GDPD4: variants seen among roughly 807,000 people sequenced by gnomAD.
The protein encoded by GDPD4 is glycerophosphodiester phosphodiesterase domain containing 4.
GDPD4 carries 60 observed loss-of-function variants against 67.8 expected under a neutral mutation model. The observed-to-expected ratio is 0.88, with a 90% CI of 0.72 to 1.10. The LOEUF is 1.10. Among genes scored for constraint, GDPD4 ranks in the 50% least tolerant of loss-of-function variants. The pLI is 0.00. For synonymous variants in GDPD4, 212 were observed against 210.9 expected (o/e 1.00, Z -0.04); for missense variants, 623 against 613.9 (o/e 1.01, Z -0.16).
intron 13 of GDPD4, 141 bp from the exon 14 acceptor site, chr11:77,233,313 T>C (rs1301828050): frequency 5.7e-6 from 4 of 701,718 alleles, no homozygotes; most frequent in East Asian, 5.3e-5. Context: ...CATGATACGA[T>C]GTGACAGAAT....
At chr11:77,278,351 G>A (rs939354661) in intron 4 of GDPD4, among the ~76,000 whole-genome samples, 1 of 152,084 alleles carries the variant, frequency 6.6e-6, no homozygotes, top group Non-Finnish European at 1.5e-5. Context: ...TAGTCATGAA[G>A]CTCCCTCAGT....
At position 77,278,321 on chromosome 11, in the gene GDPD4, C is replaced by G. The variant is rs1047792535; in HGVS notation, c.147+985G>C. The stretch of plus-strand genomic sequence containing the variant: ...GACCGTTCCCTCTCAGCAAGACAGC[C>G]TATATTTTTCTGTCTTGCTTAGTCA... On this transcript the variant is annotated intron_variant, in intron 4 of 16. Transcript: ENST00000315938. 3.0e-4 allele frequency among the ~76,000 whole-genome samples: 45 copies of G among 152,142 alleles called. 2 individuals carry two copies. The highest frequency in any genetic ancestry group is 3.2e-3 in the Middle Eastern group (1 of 316).
intron 1 of GDPD4, among the ~76,000 whole-genome samples, chr11:77,294,699 G>GA (rs954477493): frequency 2.0e-5 from 3 of 151,414 alleles, no homozygotes; most frequent in East Asian, 1.9e-4. Flanking sequence ...AAACAATTTT[G>GA]AAAAAAAATG....
At chr11:77,255,420 T>C (rs533350197) in intron 11 of GDPD4, among the ~76,000 whole-genome samples, 1 of 151,950 alleles carries the variant, frequency 6.6e-6, no homozygotes, top group Admixed American at 6.6e-5. Context: ...AAAAATTAGC[T>C]GGTCATGGTG....
At chr11:77,269,536 C>T (rs1465475780) in intron 8 of GDPD4, among the ~76,000 whole-genome samples, 1 of 152,154 alleles carries the variant, frequency 6.6e-6, no homozygotes, top group Non-Finnish European at 1.5e-5. Context: ...TCTGCCACTT[C>T]CTAATTGTGT....
At chr11:77,255,816 G>A (rs932238361) in intron 11 of GDPD4, among the ~76,000 whole-genome samples, 2 of 151,672 alleles carry the variant, frequency 1.3e-5, no homozygotes, top group African/African-American at 2.4e-5. Flanking sequence ...GCAGTGAGCC[G>A]AGATCACACC....
intron 13 of GDPD4, among the ~76,000 whole-genome samples, chr11:77,239,717 T>C (rs929814236): frequency 2.0e-5 from 3 of 151,960 alleles, no homozygotes; most frequent in South Asian, 2.1e-4. Context: ...TCCCAGCACT[T>C]TGGGGGGCTG....
chr11:77,286,079 T>C (rs905198782), intron 2 of GDPD4, among the ~76,000 whole-genome samples: 7 of 152,186 alleles, frequency 4.6e-5, no homozygotes, highest in African/African-American at 7.2e-5. Flanking sequence ...CCCATCTCCC[T>C]CTCTAGCTTC....
At chr11:77,250,423 T>G (rs961891221) in intron 11 of GDPD4, among the ~76,000 whole-genome samples, 1 of 152,358 alleles carries the variant, frequency 6.6e-6, no homozygotes, top group East Asian at 1.9e-4. Context: ...AGGATTTCAC[T>G]CTTTTTTATA....
At chr11:77,239,054 A>C (rs546318060) in intron 13 of GDPD4, among the ~76,000 whole-genome samples, 27 of 152,370 alleles carry the variant, frequency 1.8e-4, no homozygotes, top group African/African-American at 5.8e-4. Context: ...GCAAATCAAT[A>C]AATGTGACAC....
chr11:77,285,056 C>T (rs965189800), intron 3 of GDPD4, 29 bp downstream of exon 3: 2 of 1,561,340 alleles, frequency 1.3e-6, no homozygotes, highest in Admixed American at 1.7e-5. Flanking sequence ...TACCCTTACA[C>T]AAATGAAACT....
At chr11:77,228,820 G>A (rs1472614881) in intron 15 of GDPD4, among the ~76,000 whole-genome samples, 1 of 152,200 alleles carries the variant, frequency 6.6e-6, no homozygotes. Context: ...TTTGCACACT[G>A]CTATGCCATT....
At chr11:77,231,219 C>A (rs1203652399) in intron 14 of GDPD4, among the ~76,000 whole-genome samples, 1 of 152,180 alleles carries the variant, frequency 6.6e-6, no homozygotes, top group Non-Finnish European at 1.5e-5. Context: ...AATGATTCCT[C>A]ACTTTAATTT....
At chr11:77,231,539 AG>A (rs1485289781) in intron 14 of GDPD4, among the ~76,000 whole-genome samples, 1 of 152,222 alleles carries the variant, frequency 6.6e-6, no homozygotes, top group Non-Finnish European at 1.5e-5. Context: ...TGCCTAGACT[AG>A]GTGTGGAAGG....
chr11:77,233,852 T>G (rs1591533940), intron 13 of GDPD4, among the ~76,000 whole-genome samples: 1 of 152,126 alleles, frequency 6.6e-6, no homozygotes, highest in East Asian at 1.9e-4. Flanking sequence ...CTTATTAAAT[T>G]TCAAATATAA....
chr11:77,284,626 G>C (rs1157336621), intron 3 of GDPD4, among the ~76,000 whole-genome samples: 1 of 152,154 alleles, frequency 6.6e-6, no homozygotes, highest in Non-Finnish European at 1.5e-5. Flanking sequence ...TACTGGAAAG[G>C]GATACCTGTC....
In GDPD4 at chr11:77,268,966, C is replaced by A. The variant is rs1959192311; in HGVS notation, c.582G>T (p.Leu194Phe). 6.2e-7 allele frequency: 1 copy of A among 1,613,978 alleles called. No individual in the cohort carries two copies. Among genetic ancestry groups the A allele is most frequent in the African/African-American group, 1.3e-5 (1 of 74,898 alleles). The change falls in exon 9 of 17, where the codon TTG becomes TTT. Residue 194 changes from leucine to phenylalanine, a missense_variant. Coordinates refer to ENST00000315938, the MANE Select transcript of GDPD4 (RefSeq NM_182833.3). ...GTCCAAAGATGGTTGGCTTGGGCCCCAAATTCTCCTTCTCCTGAATGCAGG... is the reference window on the plus strand; with the variant it reads ...GTCCAAAGATGGTTGGCTTGGGCCCAAAATTCTCCTTCTCCTGAATGCAGG... ...YSPCIQEKEN[L>F]GPKPTIFGHR...
At chr11:77,258,305 A>G in intron 11 of GDPD4, 81 bp downstream of exon 11, 4 of 1,329,490 alleles carry the variant, frequency 3.0e-6, no homozygotes, top group South Asian at 1.2e-5. Flanking sequence ...ATCTTCATCT[A>G]TGGCCTTTAT....
At position 77,217,298 on chromosome 11, in the gene GDPD4, A is replaced by T. The variant is rs766795675; in HGVS notation, c.1542T>A (p.Ser514Arg). The change falls in exon 17 of 17, where the codon AGT becomes AGA. Residue 514 changes from serine (S) to arginine (R), a missense_variant. Ser to Arg is a moderately radical substitution (Grantham distance 110, BLOSUM62 -1). Coordinates refer to ENST00000315938, the MANE Select transcript of GDPD4 (RefSeq NM_182833.3). ...SSTRTDTQSG[S>R]KNEEDR Reference sequence around the variant, plus strand: ...CTATCTATCTATCTTCCTCATTCTTACTTCCACTCTGAGTATCTGTGGGAT... The same window carrying T: ...CTATCTATCTATCTTCCTCATTCTTTCTTCCACTCTGAGTATCTGTGGGAT... 39 of 1,607,272 alleles carry T rather than the reference A, an allele frequency of 2.4e-5. No homozygotes were observed. Among genetic ancestry groups the T allele is most frequent in the African/African-American group, 5.4e-5 (4 of 74,706 alleles).
Sources: allele counts gnomAD v4.1 joint callset (sites outside exome capture counted in the v4.1 genomes callset), GRCh38; gene constraint gnomAD v4.1.1; transcripts MANE v1.5; gene names NCBI Gene and HGNC (gene_info 2026-07-23, HGNC 2026-07-21).